ARVCF: variants seen among roughly 807,000 people sequenced by gnomAD.
ARVCF encodes ARVCF delta catenin family member.
Under a neutral mutation model 90.9 loss-of-function variants are expected in ARVCF, and 66 were observed. That is an observed-to-expected ratio of 0.73 (90% CI 0.60 to 0.89). ARVCF has a LOEUF of 0.89. ARVCF is among the 40% of genes least tolerant of loss of function. ARVCF has a pLI of 0.00. For synonymous variants in ARVCF, 653 were observed against 603.4 expected, an observed-to-expected ratio of 1.08 and a Z score of -1.21; for missense variants, 1,469 against 1,382.3, an observed-to-expected ratio of 1.06 and a Z score of -1.00.
chr22:20,009,829 G>A lies in ARVCF; in HGVS notation c.-19+626C>T, dbSNP rs539931698. 2.4e-3 allele frequency among the ~76,000 whole-genome samples: 366 copies of A among 152,350 alleles called. 2 individuals are homozygous for A. The Middle Eastern group carries it at 0.031, about 13-fold the overall frequency. ...AAACACAGATAACACCTGAGGCCAC[G>A]GGCCAGTACACATGGCCTACGGCTG... On this transcript the variant is annotated intron_variant, in intron 2 of 19. Transcript: ENST00000263207.
At chr22:19,981,760 G>C in intron 4 of ARVCF, 23 bp from the exon 5 acceptor site, 1 of 1,554,352 alleles carries the variant, frequency 6.4e-7, no homozygotes, top group South Asian at 1.2e-5. Context: ...TAGGCAGGTA[G>C]GTGGGGTAGC....
downstream of ARVCF, chr22:19,967,219 A>C (rs1359830402): frequency 7.7e-7 from 1 of 1,304,392 alleles, no homozygotes; most frequent in Non-Finnish European, 1.0e-6. Context: ...CCTGATGACC[A>C]GATTGGGCTC....
intron 2 of ARVCF, among the ~76,000 whole-genome samples, chr22:20,009,976 T>G (rs1488814480): frequency 1.3e-5 from 2 of 152,202 alleles, no homozygotes; most frequent in Non-Finnish European, 2.9e-5. Context: ...TTACTTACTA[T>G]CAGACCTTTT....
chr22:19,991,538 G>A (rs183018293), intron 2 of ARVCF, among the ~76,000 whole-genome samples: 1 of 152,376 alleles, frequency 6.6e-6, no homozygotes, highest in Non-Finnish European at 1.5e-5. Flanking sequence ...TGAAGTGGCT[G>A]GTGTGTGTGA....
intron 1 of ARVCF, among the ~76,000 whole-genome samples, chr22:20,014,017 C>CA (rs1944932423): frequency 6.6e-6 from 1 of 152,040 alleles, no homozygotes; most frequent in African/African-American, 2.4e-5. Context: ...GGATTACAGG[C>CA]ATATGCCACC....
chr22:19,992,079 G>C (rs1469057981), intron 2 of ARVCF, among the ~76,000 whole-genome samples: 11 of 152,226 alleles, frequency 7.2e-5, no homozygotes, highest in African/African-American at 2.7e-4. Flanking sequence ...AGCAGCGCTG[G>C]GCTCAGCTGC....
intron 2 of ARVCF, among the ~76,000 whole-genome samples, chr22:20,008,723 G>T (rs1944721977): frequency 6.6e-6 from 1 of 152,222 alleles, no homozygotes; most frequent in Non-Finnish European, 1.5e-5. Context: ...CCAGAGCCCA[G>T]GTTGCCCAAG....
intron 2 of ARVCF, among the ~76,000 whole-genome samples, chr22:20,002,126 T>C (rs1356289459): frequency 1.3e-5 from 2 of 152,216 alleles, no homozygotes; most frequent in Non-Finnish European, 1.5e-5. Flanking sequence ...GCTATCAGCG[T>C]CAGGGCTGGA....
intron 2 of ARVCF, among the ~76,000 whole-genome samples, chr22:19,997,049 C>A (rs1944279794): frequency 6.6e-6 from 1 of 152,246 alleles, no homozygotes; most frequent in Admixed American, 6.5e-5. Context: ...ATGCAGTGCC[C>A]AAGGCCAAAG....
intron 13 of ARVCF, 35 bp downstream of exon 13, chr22:19,973,608 C>A: frequency 1.3e-6 from 2 of 1,581,120 alleles, no homozygotes; most frequent in Non-Finnish European, 1.7e-6. Flanking sequence ...AGGCACAGTT[C>A]GGTGCCCAGG....
At position 19,973,601 on chromosome 22, in the gene ARVCF, C is replaced by A. The variant is rs751508565; in HGVS notation, c.2239+42G>T. 2.9e-5 allele frequency: 45 copies of A among 1,574,344 alleles called. No individual in the cohort carries two copies. In the South Asian group the frequency reaches 4.5e-4, roughly 16 times the overall value. On this transcript the variant is annotated intron_variant, in intron 13 of 19. Transcript: ENST00000263207. The stretch of plus-strand genomic sequence containing the variant: ...TCCGATGGGACCCCAAAGCTGCAGG[C>A]ACAGTTCGGTGCCCAGGCGTGGGCT...
chr22:19,971,952 G>A lies in ARVCF; in HGVS notation c.2715C>T (p.Asp905=). ...CGCCCCGTGGCCTCCGCTCCCTCCG[G>A]TCCACCGTGGAGTATCCGTCTGTAG... ...ALGPDGYSTV[D]RRERRPRGAS... Residue 905 remains aspartate, a synonymous_variant, in exon 18 of 20, where the codon GAC becomes GAT. Coordinates refer to ENST00000263207, the MANE Select transcript of ARVCF (RefSeq NM_001670.3). The A allele has an allele frequency of 6.2e-7, 1 of 1,611,486 alleles. No homozygotes were observed. The highest frequency in any genetic ancestry group is 8.5e-7 in the Non-Finnish European group (1 of 1,179,100).
downstream of ARVCF, chr22:19,969,322 C>G (rs2146202625): frequency 6.5e-6 from 1 of 154,226 alleles, no homozygotes; most frequent in South Asian, 2.0e-4. Context: ...GCGCTGGGGA[C>G]AGGTGGACCC....
intron 2 of ARVCF, among the ~76,000 whole-genome samples, chr22:19,991,939 G>A (rs1193361688): frequency 6.6e-6 from 1 of 152,224 alleles, no homozygotes; most frequent in African/African-American, 2.4e-5. Flanking sequence ...TGGATCCCTT[G>A]CCCTTGCACC....
chr22:19,967,306 G>A (rs1942458842), downstream of ARVCF: 2 of 980,510 alleles, frequency 2.0e-6, no homozygotes, highest in African/African-American at 3.4e-5. Flanking sequence ...CAGACTGGAA[G>A]GCAGCCGCCC....
chr22:19,988,733 G>C (rs576315294), intron 3 of ARVCF, among the ~76,000 whole-genome samples: 49 of 152,236 alleles, frequency 3.2e-4, no homozygotes, highest in Non-Finnish European at 6.2e-4. Context: ...AAACCAATCT[G>C]GGAAACCTGG....
At chr22:19,969,350 C>T (rs1942610910), downstream of ARVCF, 1 of 153,654 alleles carries the variant, frequency 6.5e-6, no homozygotes, top group African/African-American at 2.4e-5. Flanking sequence ...GCACCAGCCC[C>T]TCTGGGCCCC....
At chr22:19,966,631 G>T (rs1017486538), downstream of ARVCF, among the ~76,000 whole-genome samples, 13 of 152,062 alleles carry the variant, frequency 8.5e-5, no homozygotes, top group East Asian at 1.5e-3. Context: ...TGTAGAAATG[G>T]GGTCTCCCTA....
chr22:20,016,233 C>T (rs1945131714), intron 1 of ARVCF, among the ~76,000 whole-genome samples: 1 of 152,230 alleles, frequency 6.6e-6, no homozygotes, highest in Non-Finnish European at 1.5e-5. Context: ...GGCAGCTAGG[C>T]GCCAAGCGTC....
Sources: gnomAD v4.1 joint callset for allele counts (sites outside exome capture counted in the v4.1 genomes callset) on GRCh38, gnomAD v4.1.1 for gene constraint, MANE v1.5 for transcripts, NCBI Gene and HGNC (gene_info 2026-07-23, HGNC 2026-07-21) for gene names.